Variants in ATXN7 observed in about 807,000 individuals in gnomAD.
ATXN7 encodes ataxin-7.
ATXN7 carries 12 observed loss-of-function variants against 70.5 expected under a neutral mutation model. The observed-to-expected ratio is 0.17, with a 90% CI of 0.11 to 0.28. The LOEUF (loss-of-function observed/expected upper bound fraction) is 0.28. ATXN7 is among the 10% of genes least tolerant of loss of function. The pLI is 1.00. For synonymous variants in ATXN7, 498 were observed against 448.7 expected (o/e 1.11, Z -1.39); for missense variants, 1,256 against 1,131.7 (o/e 1.11, Z -1.58).
At chr3:63,881,123 A>T (rs1702894667) in intron 1 of ATXN7, among the ~76,000 whole-genome samples, 1 of 152,204 alleles carries the variant, frequency 6.6e-6, no homozygotes. Flanking sequence ...TTATCTTTTC[A>T]GTTAAACCCC....
chr3:63,915,711 TCTGA>T (rs1301543831), intron 4 of ATXN7, among the ~76,000 whole-genome samples: 1 of 150,558 alleles, frequency 6.6e-6, no homozygotes, highest in African/African-American at 2.4e-5. Context: ...TGAGACGGTG[TCTGA>T]CTGTTACCCA....
At chr3:63,974,018 A>G (rs556796041) in intron 5 of ATXN7, among the ~76,000 whole-genome samples, 1 of 152,298 alleles carries the variant, frequency 6.6e-6, no homozygotes, top group East Asian at 1.9e-4. Flanking sequence ...ATCCAGTCCT[A>G]GGATTTAACC....
intron 4 of ATXN7, among the ~76,000 whole-genome samples, chr3:63,935,570 C>T (rs1387030234): frequency 2.0e-5 from 3 of 152,156 alleles, no homozygotes; most frequent in Admixed American, 6.5e-5. Context: ...GGCTATAATA[C>T]TGTGCCTTTT....
rs1217119290 is a variant in ATXN7, at chr3:63,865,889, C to T, written c.-111+1731C>T. ...CAGCCTGGGCGACAGAGCGAGACTC[C>T]ATCTCAAAAAAAAAAAAAAAAAAAA... is the stretch of plus-strand genomic sequence containing the variant. On this transcript the variant is annotated intron_variant, in intron 1 of 12. Coordinates refer to ENST00000674280, the MANE Select transcript of ATXN7 (RefSeq NM_001377405.1). Among the ~76,000 whole-genome samples, 4 of 65,294 alleles carry T rather than the reference C, an allele frequency of 6.1e-5. No homozygotes were observed. In the East Asian group the frequency reaches 1.6e-3, roughly 27 times the overall value. 42.8% of individuals were successfully genotyped at this position (65,294 alleles called of 152,430 possible).
chr3:63,894,493 C>T (rs1703385090), intron 1 of ATXN7, among the ~76,000 whole-genome samples: 1 of 152,162 alleles, frequency 6.6e-6, no homozygotes, highest in Non-Finnish European at 1.5e-5. Context: ...TAGTGCCAGA[C>T]ACAGTACTTG....
intron 1 of ATXN7, among the ~76,000 whole-genome samples, chr3:63,881,569 A>T (rs534210106): frequency 7.1e-6 from 1 of 140,836 alleles, no homozygotes; most frequent in East Asian, 2.1e-4. Context: ...GCTCACTGCG[A>T]CCTCTGCCTC....
At chr3:63,983,123 CTG>C (rs1441933987) in intron 8 of ATXN7, 102 bp downstream of exon 8, 18 of 966,552 alleles carry the variant, frequency 1.9e-5, no homozygotes, top group Non-Finnish European at 2.6e-5. Context: ...AGAAGATGCT[CTG>C]TGGATTGTTG....
intron 1 of ATXN7, among the ~76,000 whole-genome samples, chr3:63,892,563 C>G (rs549990577): frequency 3.5e-4 from 53 of 152,250 alleles, no homozygotes; most frequent in Admixed American, 7.2e-4. Context: ...CCTCTTATCC[C>G]TCCTTCTCCC....
At chr3:63,953,329 G>A (rs371533907) in intron 5 of ATXN7, among the ~76,000 whole-genome samples, 3 of 152,268 alleles carry the variant, frequency 2.0e-5, no homozygotes, top group East Asian at 3.9e-4. Context: ...GAATAAGAGC[G>A]TTTGATGCAG....
intron 4 of ATXN7, among the ~76,000 whole-genome samples, chr3:63,948,969 C>T (rs546271665): frequency 6.6e-6 from 1 of 152,268 alleles, no homozygotes; most frequent in East Asian, 1.9e-4. Context: ...TTGTATATTA[C>T]AAGTATATTT....
intron 1 of ATXN7, among the ~76,000 whole-genome samples, chr3:63,894,763 G>A (rs1362416132): frequency 1.3e-5 from 2 of 152,100 alleles, no homozygotes; most frequent in Non-Finnish European, 2.9e-5. Flanking sequence ...GACTTAAGCA[G>A]TCCTCCTGCT....
At chr3:63,938,200 C>G (rs996021418) in intron 4 of ATXN7, among the ~76,000 whole-genome samples, 1 of 152,056 alleles carries the variant, frequency 6.6e-6, no homozygotes, top group Non-Finnish European at 1.5e-5. Flanking sequence ...CCGGGAAGGA[C>G]AAATAGTGAA....
At chr3:63,968,072 C>A in intron 5 of ATXN7, 1 of 977,522 alleles carries the variant, frequency 1.0e-6, no homozygotes, top group Non-Finnish European at 1.5e-6. Flanking sequence ...GCTAACCTTA[C>A]ATAGAACCAA....
intron 9 of ATXN7, 117 bp downstream of exon 9, chr3:63,988,441 G>T: frequency 2.3e-6 from 3 of 1,309,784 alleles, no homozygotes; most frequent in Non-Finnish European, 3.1e-6. Context: ...TGTGGAGATA[G>T]TTTTTTAAGG....
intron 4 of ATXN7, among the ~76,000 whole-genome samples, chr3:63,933,918 GT>G (rs879877453): frequency 1.6e-4 from 23 of 144,602 alleles, no homozygotes; most frequent in East Asian, 4.0e-4. Flanking sequence ...CTTTTCTGTT[GT>G]TTTTTTTTTT....
intron 4 of ATXN7, among the ~76,000 whole-genome samples, chr3:63,930,771 C>A (rs1010585348): frequency 6.6e-6 from 1 of 152,070 alleles, no homozygotes. Flanking sequence ...ACCTCATGAT[C>A]CGCCCGCCTT....
At chr3:63,882,105 T>C (rs779381730) in intron 1 of ATXN7, among the ~76,000 whole-genome samples, 16 of 152,228 alleles carry the variant, frequency 1.1e-4, no homozygotes, top group Admixed American at 5.9e-4. Context: ...CATTGTGAGG[T>C]GAGGAATGGA....
intron 5 of ATXN7, among the ~76,000 whole-genome samples, chr3:63,957,187 A>C (rs764564483): frequency 2.6e-5 from 4 of 152,182 alleles, no homozygotes; most frequent in Non-Finnish European, 5.9e-5. Context: ...TTTCTCTTTT[A>C]TGCAGACACA....
At chr3:63,989,661 G>A (rs903933589) in intron 9 of ATXN7, among the ~76,000 whole-genome samples, 20 of 152,000 alleles carry the variant, frequency 1.3e-4, no homozygotes, top group Admixed American at 1.2e-3. Flanking sequence ...TAAAGTATAC[G>A]GGAGGATGCG....
Sources: gnomAD v4.1 joint callset for allele counts (sites outside exome capture counted in the v4.1 genomes callset) on GRCh38, gnomAD v4.1.1 for gene constraint, MANE v1.5 for transcripts, NCBI Gene and HGNC (gene_info 2026-07-23, HGNC 2026-07-21) for gene names.